Variants in NDC1 observed in about 807,000 individuals in gnomAD.
The protein encoded by NDC1 is NDC1 transmembrane nucleoporin.
A neutral mutation model predicts 89.8 loss-of-function variants in NDC1; 24 were observed. The ratio of observed to expected loss-of-function variants is 0.27; its 90% confidence interval spans 0.19 to 0.38. The LOEUF is 0.38. NDC1 is among the 10% of genes least tolerant of loss of function. The pLI is 1.00. For missense variants in NDC1, 728 were observed against 797.6 expected (o/e 0.91, Z 1.05); for synonymous variants, 296 against 284.8 (o/e 1.04, Z -0.39).
In NDC1 at chr1:53,824,145, G is replaced by A. The variant is rs563775699; in HGVS notation, c.594+1653C>T. ...GCTACTCAGGAGGACTGAGGTAGGA[G>A]GACTGTTCGAGCCAGGAGGTCAAAG... On this transcript the variant is annotated intron_variant, in intron 5 of 17. Transcript: ENST00000371429. Among the ~76,000 whole-genome samples the A allele has an allele frequency of 9.9e-5, 15 of 151,284 alleles. No homozygotes were observed. The South Asian group carries it at 3.1e-3, about 32-fold the overall frequency.
At chr1:53,806,210 T>G (rs1222514534) in intron 9 of NDC1, among the ~76,000 whole-genome samples, 1 of 152,264 alleles carries the variant, frequency 6.6e-6, no homozygotes, top group Non-Finnish European at 1.5e-5. Context: ...ATTAACTAGC[T>G]TATACACATA....
intron 1 of NDC1, among the ~76,000 whole-genome samples, chr1:53,837,108 G>C (rs1649258846): frequency 6.6e-6 from 1 of 152,114 alleles, no homozygotes; most frequent in Non-Finnish European, 1.5e-5. Flanking sequence ...GGATTATTCA[G>C]CCACAAAAAG....
At chr1:53,812,191 T>C (rs1170830150) in intron 6 of NDC1, among the ~76,000 whole-genome samples, 2 of 152,122 alleles carry the variant, frequency 1.3e-5, no homozygotes, top group Non-Finnish European at 1.5e-5. Context: ...AATATGACTA[T>C]ACAAGGCTCT....
intron 9 of NDC1, 104 bp from the exon 10 acceptor site, chr1:53,804,113 C>T: frequency 2.4e-6 from 2 of 833,394 alleles, no homozygotes; most frequent in Non-Finnish European, 3.8e-6. Flanking sequence ...ATTAATTAAA[C>T]TTTTTCATGA....
Position 53,772,463 on chromosome 1 carries a change from A to C in NDC1, c.1827T>G (p.Pro609=), listed in dbSNP as rs757330181. 1.6e-5 allele frequency: 26 copies of C among 1,613,328 alleles called. No individual in the cohort carries two copies. The East Asian group carries it at 5.8e-4, about 36-fold the overall frequency. ...QEAVDKYFKL[P]HASSKPPRIS... is the part of the protein sequence containing the mutation. Reference sequence around the variant, plus strand: ...TCCGGGGTGGTTTACTGGAAGCATGAGGAAGCTTAAAGTACTTGTCGACTG... The same window carrying C: ...TCCGGGGTGGTTTACTGGAAGCATGCGGAAGCTTAAAGTACTTGTCGACTG... The change falls in exon 17 of 18, where the codon CCT becomes CCG. Residue 609 remains proline (P), a synonymous_variant. Coordinates refer to ENST00000371429, the MANE Select transcript of NDC1 (RefSeq NM_018087.5).
At chr1:53,830,251 C>T (rs759083677) in intron 3 of NDC1, among the ~76,000 whole-genome samples, 18 of 151,118 alleles carry the variant, frequency 1.2e-4, no homozygotes, top group African/African-American at 2.7e-4. Flanking sequence ...GTCGGGAGTT[C>T]GAGACCAGCC....
intron 16 of NDC1, among the ~76,000 whole-genome samples, chr1:53,773,334 A>T (rs1378972057): frequency 2.6e-5 from 4 of 152,206 alleles, no homozygotes; most frequent in Non-Finnish European, 5.9e-5. Flanking sequence ...CAAGTTCTTA[A>T]TTTCAAGAGC....
At chr1:53,772,586 G>T in intron 16 of NDC1, 97 bp from the exon 17 acceptor site, 1 of 1,138,542 alleles carries the variant, frequency 8.8e-7, no homozygotes, top group South Asian at 1.5e-5. Context: ...CACTTTGGAA[G>T]GACGAGGCGG....
chr1:53,776,499 A>G (rs1218391202), intron 16 of NDC1, among the ~76,000 whole-genome samples: 3 of 152,192 alleles, frequency 2.0e-5, no homozygotes, highest in African/African-American at 7.2e-5. Context: ...ATACTACCTT[A>G]AATACTGGGT....
intron 10 of NDC1, among the ~76,000 whole-genome samples, chr1:53,801,243 T>C (rs1482104949): frequency 1.3e-5 from 2 of 152,142 alleles, no homozygotes; most frequent in African/African-American, 4.8e-5. Context: ...CAATGAACAC[T>C]ACGATGTCCA....
intron 17 of NDC1, among the ~76,000 whole-genome samples, chr1:53,771,691 T>C (rs1283647493): frequency 6.6e-6 from 1 of 152,254 alleles, no homozygotes; most frequent in African/African-American, 2.4e-5. Context: ...CAGAGCAATC[T>C]CTCGTGTCTT....
At chr1:53,834,880 G>A (rs1445827170) in intron 2 of NDC1, among the ~76,000 whole-genome samples, 1 of 152,154 alleles carries the variant, frequency 6.6e-6, no homozygotes, top group Non-Finnish European at 1.5e-5. Context: ...GGCTGAGGCA[G>A]GTGGATTGCT....
chr1:53,823,173 A>T (rs778419968), intron 5 of NDC1, among the ~76,000 whole-genome samples: 3 of 152,052 alleles, frequency 2.0e-5, no homozygotes, highest in Admixed American at 1.3e-4. Context: ...CAGCTTCCTC[A>T]TTCCACTGCC....
intron 11 of NDC1, among the ~76,000 whole-genome samples, chr1:53,799,567 G>A (rs1647836882): frequency 2.0e-5 from 3 of 152,190 alleles, no homozygotes; most frequent in African/African-American, 7.2e-5. Flanking sequence ...AGTTGCCAAT[G>A]TTTAACAACT....
Position 53,767,186 on chromosome 1 carries a change from T to C in NDC1, c.*784A>G, listed in dbSNP as rs1012252630. ...GAAAAACTCTGCAATCACTTAATGT[T>C]TTGCTCCAGAAAAAGAAAGCAAAAC... On this transcript the variant is annotated 3_prime_UTR_variant, in exon 18 of 18. Transcript: ENST00000371429. The C allele has an allele frequency of 2.6e-5, 4 of 152,170 alleles. No individual in the cohort carries two copies. Among genetic ancestry groups the C allele is most frequent in the Admixed American group, 1.3e-4 (2 of 15,272 alleles). 9.4% of individuals were successfully genotyped at this position (152,170 alleles called of 1,614,324 possible). A position where few individuals can be genotyped will look rare whatever the true frequency, so the allele number is the denominator to read the frequency against.
intron 11 of NDC1, among the ~76,000 whole-genome samples, chr1:53,799,504 G>T (rs993327345): frequency 1.3e-5 from 2 of 152,134 alleles, no homozygotes; most frequent in African/African-American, 4.8e-5. Context: ...TACTGATTTT[G>T]AAACTAGATG....
At chr1:53,783,362 T>C (rs965811818) in intron 16 of NDC1, among the ~76,000 whole-genome samples, 33 of 152,148 alleles carry the variant, frequency 2.2e-4, no homozygotes, top group African/African-American at 7.0e-4. Context: ...TTGGTCATGA[T>C]GTGGCTTAAG....
chr1:53,831,435 T>C (rs1337452976), intron 3 of NDC1, among the ~76,000 whole-genome samples: 3 of 151,930 alleles, frequency 2.0e-5, no homozygotes, highest in East Asian at 3.9e-4. Context: ...TCCCAGCACT[T>C]GGGAGGCCGA....
At position 53,838,276 on chromosome 1, in the gene NDC1, C is replaced by G. The variant is rs533235546; in HGVS notation, c.-15G>C. 1 of 1,536,584 alleles carries G rather than the reference C, an allele frequency of 6.5e-7. No individual in the cohort carries two copies. Among genetic ancestry groups the G allele is most frequent in the African/African-American group, 1.4e-5 (1 of 72,786 alleles). On this transcript the variant is annotated 5_prime_UTR_variant, in exon 1 of 18. Coordinates refer to ENST00000371429, the MANE Select transcript of NDC1 (RefSeq NM_018087.5). ...GCCGTGGCCATGGAGATGGCGGCCC[C>G]TAGTCTAGGGCGTACAGGAGACCGT... is the stretch of plus-strand genomic sequence containing the variant.
Sources: allele counts gnomAD v4.1 joint callset (sites outside exome capture counted in the v4.1 genomes callset), GRCh38; gene constraint gnomAD v4.1.1; transcripts MANE v1.5; gene names NCBI Gene and HGNC (gene_info 2026-07-23, HGNC 2026-07-21).